Variants in PTGR2 observed in about 807,000 individuals in gnomAD.
The protein encoded by PTGR2 is prostaglandin reductase 2.
Under a neutral mutation model 43.4 loss-of-function variants are expected in PTGR2, and 32 were observed. That is an observed-to-expected ratio of 0.74 (90% CI 0.56 to 0.99). The LOEUF (loss-of-function observed/expected upper bound fraction) is 0.99. PTGR2 is among the 50% of genes least tolerant of loss of function. The pLI is 0.00. For missense variants in PTGR2, 373 were observed against 420.0 expected, an observed-to-expected ratio of 0.89 and a Z score of 0.98; for synonymous variants, 106 against 139.2, an observed-to-expected ratio of 0.76 and a Z score of 1.68.
chr14:73,853,775 G>C (rs954990133), intron 1 of PTGR2, among the ~76,000 whole-genome samples: 5 of 147,066 alleles, frequency 3.4e-5, no homozygotes, highest in African/African-American at 1.2e-4. Context: ...TTGAGAGAAG[G>C]GACTTTTTCC....
intron 3 of PTGR2, among the ~76,000 whole-genome samples, chr14:73,866,329 G>A (rs940142649): frequency 6.6e-6 from 1 of 151,892 alleles, no homozygotes; most frequent in Non-Finnish European, 1.5e-5. Context: ...AGTAGAGACA[G>A]GGTTTCACCA....
At chr14:73,866,646 T>C (rs2054601273) in intron 3 of PTGR2, among the ~76,000 whole-genome samples, 1 of 152,182 alleles carries the variant, frequency 6.6e-6, no homozygotes, top group African/African-American at 2.4e-5. Flanking sequence ...GATGTCTAAA[T>C]AGCTGGTTGA....
In PTGR2 at chr14:73,880,310, T is replaced by A. The variant is rs1255083329; in HGVS notation, c.851+134T>A. On this transcript the variant is annotated intron_variant, in intron 7 of 9. Coordinates refer to ENST00000555661, the MANE Select transcript of PTGR2 (RefSeq NM_001146154.2). ...ACTTTAGGTCGGGCATAGTGGCTTA[T>A]GCCTGTAATCCTAGCACTTTGGGAT... The A allele has an allele frequency of 6.7e-6, 7 of 1,052,536 alleles. No homozygotes were observed. In the African/African-American group the frequency reaches 1.1e-4, roughly 17 times the overall value. 65.2% of individuals were successfully genotyped at this position (1,052,536 alleles called of 1,614,324 possible). A position where few individuals can be genotyped will look rare whatever the true frequency, so the allele number is the denominator to read the frequency against.
At chr14:73,870,550 A>G (rs894495060) in intron 3 of PTGR2, among the ~76,000 whole-genome samples, 2 of 152,124 alleles carry the variant, frequency 1.3e-5, no homozygotes, top group Non-Finnish European at 2.9e-5. Context: ...TATCATTCCA[A>G]ATTCACAACT....
chr14:73,874,442 C>T, intron 4 of PTGR2: 1 of 556,528 alleles, frequency 1.8e-6, no homozygotes, highest in South Asian at 1.9e-5. Context: ...AATAAACTGA[C>T]AATAAACAGA....
chr14:73,862,529 A>G (rs1300102452), intron 3 of PTGR2, among the ~76,000 whole-genome samples: 1 of 152,168 alleles, frequency 6.6e-6, no homozygotes, highest in Non-Finnish European at 1.5e-5. Context: ...CATTCTAAAT[A>G]GTTGAAACAG....
intron 3 of PTGR2, among the ~76,000 whole-genome samples, chr14:73,862,202 G>T (rs1968105): frequency 0.77 from 115,721 of 151,082 alleles, 45,010 homozygotes; most frequent in East Asian, 0.93. Flanking sequence ...AACTTTTGTT[G>T]TTGTTGTTTG....
rs540143122 is a variant in PTGR2, at chr14:73,858,607, T to C, written c.-47-209T>C. On this transcript the variant is annotated intron_variant, in intron 1 of 9. Transcript: ENST00000555661. The stretch of plus-strand genomic sequence containing the variant: ...TTGCCCCACTTAATCTTCAATGAAC[T>C]TGTTCCTATTAGTTAAAAATTCTAA... 3.9e-5 allele frequency: 13 copies of C among 334,626 alleles called. No homozygotes were observed. In the East Asian group the frequency reaches 6.4e-4, roughly 16 times the overall value. 20.7% of individuals were successfully genotyped at this position (334,626 alleles called of 1,614,324 possible). A position where few individuals can be genotyped will look rare whatever the true frequency, so the allele number is the denominator to read the frequency against.
intron 5 of PTGR2, 82 bp from the exon 6 acceptor site, chr14:73,879,014 C>CA (rs2054922417): frequency 8.9e-7 from 1 of 1,119,484 alleles, no homozygotes; most frequent in African/African-American, 1.6e-5. Context: ...TGTCATATAC[C>CA]TGTAATATCT....
At chr14:73,864,888 C>T (rs1171494439) in intron 3 of PTGR2, among the ~76,000 whole-genome samples, 1 of 152,166 alleles carries the variant, frequency 6.6e-6, no homozygotes, top group Non-Finnish European at 1.5e-5. Context: ...CACTTAAGGT[C>T]ATGAAGATTT....
chr14:73,860,655 A>G lies in PTGR2; in HGVS notation c.154A>G (p.Met52Val). ...RTLYLSVDPY[M>V]RCRMNEDTGT... ...TCTTTATCTTTCTGTGGATCCTTACATGGTAAGAATCAGGATGTTGTAACT... is the reference window on the plus strand; with the variant it reads ...TCTTTATCTTTCTGTGGATCCTTACGTGGTAAGAATCAGGATGTTGTAACT... Residue 52 changes from methionine (M) to valine (V), a missense_variant and splice_region_variant, in exon 3 of 10, where the codon ATG becomes GTG. Transcript: ENST00000555661. The G allele has an allele frequency of 3.1e-6, 4 of 1,277,068 alleles. No homozygotes were observed. The highest frequency in any genetic ancestry group is 4.5e-6 in the Non-Finnish European group (4 of 890,164). 79.1% of individuals were successfully genotyped at this position (1,277,068 alleles called of 1,614,324 possible).
chr14:73,880,155 A>G lies in PTGR2; in HGVS notation c.830A>G (p.Gln277Arg), dbSNP rs746100535. 4 of 1,613,860 alleles carry G rather than the reference A, an allele frequency of 2.5e-6. No individual in the cohort carries two copies. Among genetic ancestry groups the G allele is most frequent in the Admixed American group, 3.3e-5 (2 of 60,002 alleles). ...PPLSPAIEAIQKERNITRERF... is the reference protein window; with the variant it reads ...PPLSPAIEAIRKERNITRERF... ...CTATCCCCTGCTATAGAGGCAATCC[A>G]GAAAGAAAGAAACATCACAAGGTGT... Residue 277 changes from glutamine (Q) to arginine (R), a missense_variant, in exon 7 of 10, where the codon CAG (glutamine) becomes CGG (arginine). By Grantham distance (43) the Gln-to-Arg change is conservative. Transcript: ENST00000555661.
At chr14:73,854,847 G>A (rs1342674156) in intron 1 of PTGR2, among the ~76,000 whole-genome samples, 1 of 152,092 alleles carries the variant, frequency 6.6e-6, no homozygotes, top group Non-Finnish European at 1.5e-5. Context: ...GAATGGATGT[G>A]GCACCACCCT....
intron 2 of PTGR2, among the ~76,000 whole-genome samples, chr14:73,859,924 G>A (rs1175935952): frequency 2.7e-5 from 4 of 150,462 alleles, no homozygotes; most frequent in Non-Finnish European, 4.4e-5. Context: ...TCTCGGCTCA[G>A]TGCAACTTCC....
chr14:73,851,876 C>G lies in PTGR2; in HGVS notation c.-115C>G, dbSNP rs377483861. 2.6e-5 allele frequency: 4 copies of G among 152,296 alleles called. No homozygotes were observed. Among genetic ancestry groups the G allele is most frequent in the African/African-American group, 9.6e-5 (4 of 41,452 alleles). 9.4% of individuals were successfully genotyped at this position (152,296 alleles called of 1,614,324 possible). A position where few individuals can be genotyped will look rare whatever the true frequency, so the allele number is the denominator to read the frequency against. On this transcript the variant is annotated 5_prime_UTR_variant, in exon 1 of 10. Transcript: ENST00000555661. ...CAGAGGGCCGAGGCCTGGGGGCGAG[C>G]TGGGGTCGTGCAGTACAGCCTCTTT...
rs552618301 is a variant in PTGR2, at chr14:73,872,101, A to G, written c.157-1922A>G. ...TGTCGTCCTCTACATTTTGGATTTC[A>G]TGATAGAGGCAAGAGTGAGCCACAG... On this transcript the variant is annotated intron_variant, in intron 3 of 9. Coordinates refer to ENST00000555661, the MANE Select transcript of PTGR2 (RefSeq NM_001146154.2). Among the ~76,000 whole-genome samples, 10 of 152,188 alleles carry G rather than the reference A, an allele frequency of 6.6e-5. No individual in the cohort carries two copies. In the East Asian group the frequency reaches 1.9e-3, roughly 29 times the overall value.
chr14:73,872,472 C>T (rs927188879), intron 3 of PTGR2, among the ~76,000 whole-genome samples: 3 of 152,168 alleles, frequency 2.0e-5, no homozygotes, highest in Non-Finnish European at 4.4e-5. Context: ...TTGAAACCAT[C>T]AAAACACTAT....
At chr14:73,860,731 A>G in intron 3 of PTGR2, 74 bp downstream of exon 3, 1 of 771,986 alleles carries the variant, frequency 1.3e-6, no homozygotes, top group Non-Finnish European at 2.2e-6. Flanking sequence ...TCTGAATCTT[A>G]TTGTGCAGTC....
At chr14:73,856,773 A>G (rs1296234254) in intron 1 of PTGR2, among the ~76,000 whole-genome samples, 2 of 152,176 alleles carry the variant, frequency 1.3e-5, no homozygotes, top group African/African-American at 4.8e-5. Context: ...CAATGATTAA[A>G]TCACCTAATG....
Sources: allele counts gnomAD v4.1 joint callset (sites outside exome capture counted in the v4.1 genomes callset), GRCh38; gene constraint gnomAD v4.1.1; transcripts MANE v1.5; gene names NCBI Gene and HGNC (gene_info 2026-07-23, HGNC 2026-07-21).